The following HSD17B12 variants were observed in gnomAD, a reference collection of about 807,000 sequenced individuals.
HSD17B12 encodes the protein hydroxysteroid 17-beta dehydrogenase 12.
Under a neutral mutation model 39.3 loss-of-function variants are expected in HSD17B12, and 32 were observed. The ratio of observed to expected loss-of-function variants is 0.81; its 90% CI spans 0.61 to 1.09. The LOEUF (loss-of-function observed/expected upper bound fraction) is 1.09, where lower values mean the gene tolerates loss of function less well. Ranked by LOEUF, HSD17B12 falls within the 50% of genes least tolerant of loss-of-function variation. The probability of loss-of-function intolerance (pLI) is 0.00; values close to 1 mark genes in which losing one functional copy is unlikely to be tolerated. For missense variants in HSD17B12, 342 were observed against 382.9 expected, an observed-to-expected ratio of 0.89 and a Z score of 0.89; for synonymous variants, 150 against 146.7, an observed-to-expected ratio of 1.02 and a Z score of -0.16.
At chr11:43,631,591 G>GTCTC in the HSD17B12 span, among the ~76,000 whole-genome samples, 338 of 138,972 alleles carry the variant, frequency 2.4e-3, 4 homozygotes, top group African/African-American at 8.3e-3. Flanking sequence ...CTCTCTCTCT[G>GTCTC]TCTCTCTCTC....
the HSD17B12 span, among the ~76,000 whole-genome samples, chr11:43,610,943 G>A: frequency 6.6e-6 from 1 of 152,186 alleles, no homozygotes; most frequent in African/African-American, 2.4e-5. Context: ...GCACTCCAGA[G>A]ACTGCCACCT....
the HSD17B12 span, among the ~76,000 whole-genome samples, chr11:43,561,489 G>A: frequency 8.4e-3 from 1,282 of 152,292 alleles, 21 homozygotes; most frequent in African/African-American, 0.03. Flanking sequence ...AGGGAGCAAA[G>A]CTAGAGGGCA....
chr11:43,645,591 T>G, the HSD17B12 span: 6 of 152,220 alleles, frequency 3.9e-5, no homozygotes, highest in African/African-American at 7.2e-5. Flanking sequence ...ATATAAAAAC[T>G]AAATAAACCA....
rs1204580097 is a variant in HSD17B12 at position 43,706,724 on chromosome 11, T to TGTTG, written c.160+25738_160+25739insTTGG. Among the ~76,000 whole-genome samples, 9 of 80,350 alleles carry TGTTG rather than the reference T, an allele frequency of 1.1e-4. No homozygotes were observed. The South Asian group carries it at 1.5e-3, about 13-fold the overall frequency. The allele number at this position is 80,350 out of a possible 152,430, so 52.7% of individuals were successfully genotyped here. A position where few individuals can be genotyped will look rare whatever the true frequency, so the allele number is the denominator to read the frequency against. The stretch of plus-strand genomic sequence containing the variant: ...TGTGTGTGTGTGTGTGTGTGTGTTG[T>TGTTG]GGGGGGTGGGTGTGCATTCTTTTCC... On this transcript the variant is annotated intron_variant, in intron 1 of 10. Coordinates refer to ENST00000278353, the MANE Select transcript of HSD17B12 (RefSeq NM_016142.3).
rs779442369 is a variant in HSD17B12, at chr11:43,831,844, C to T, written c.536+834C>T. Among the ~76,000 whole-genome samples the T allele has an allele frequency of 2.0e-5, 3 of 152,296 alleles. No individual in the cohort carries two copies. Among genetic ancestry groups the T allele is most frequent in the Non-Finnish European group, 2.9e-5 (2 of 68,020 alleles). On this transcript the variant is annotated intron_variant, in intron 7 of 10. Transcript: ENST00000278353. This position sits in a 1 kb window ranked among gnomAD's most constrained non-coding sequence, Gnocchi z 4.1. ...AAGGACCCTACTTCTGTTAGGAAAC[C>T]TCTATGACCTACTCCAGGCAGGGAT...
At chr11:43,690,388 A>ATTTTTTTTTTTT (rs1232125962) in intron 1 of HSD17B12, among the ~76,000 whole-genome samples, 1 of 11,784 alleles carries the variant, frequency 8.5e-5, no homozygotes, top group Non-Finnish European at 1.4e-4. Context: ...ATATATATAT[A>ATTTTTTTTTTTT]TATATATATA....
chr11:43,695,659 A>T (rs1447012536), intron 1 of HSD17B12, among the ~76,000 whole-genome samples: 2 of 141,792 alleles, frequency 1.4e-5, no homozygotes, highest in South Asian at 2.3e-4. Flanking sequence ...ACTGAAGAGG[A>T]TGTTCTAATT....
the HSD17B12 span, among the ~76,000 whole-genome samples, chr11:43,631,507 G>A: frequency 3.3e-5 from 5 of 151,978 alleles, no homozygotes; most frequent in Non-Finnish European, 5.9e-5. Context: ...TACATGAGGC[G>A]GCTGCATGAA....
chr11:43,734,184 T>A, intron 1 of HSD17B12: 1 of 1,572,518 alleles, frequency 6.4e-7, no homozygotes, highest in Non-Finnish European at 8.6e-7. Context: ...CAGAGAGAGC[T>A]GGTCTCCAGG....
At chr11:43,786,123 A>G (rs1950813785) in intron 3 of HSD17B12, among the ~76,000 whole-genome samples, 3 of 152,218 alleles carry the variant, frequency 2.0e-5, no homozygotes, top group Admixed American at 2.0e-4. Flanking sequence ...AATTCAAATA[A>G]GCATCGTTTT....
At chr11:43,597,779 C>G in the HSD17B12 span, among the ~76,000 whole-genome samples, 2 of 152,132 alleles carry the variant, frequency 1.3e-5, no homozygotes, top group Non-Finnish European at 2.9e-5. Context: ...GAACTACAGG[C>G]ACGTGCCACC....
chr11:43,688,548 G>A (rs1453385326), intron 1 of HSD17B12, among the ~76,000 whole-genome samples: 1 of 152,138 alleles, frequency 6.6e-6, no homozygotes, highest in African/African-American at 2.4e-5. Context: ...TCTCTAACTG[G>A]CAATTCCAGG....
chr11:43,734,328 C>T, intron 1 of HSD17B12: 1 of 1,023,566 alleles, frequency 9.8e-7, no homozygotes. Flanking sequence ...CAGCAGGAAG[C>T]AGAGAGGGCC....
chr11:43,773,176 TAAG>T (rs1357552033), intron 3 of HSD17B12, among the ~76,000 whole-genome samples: 1 of 152,238 alleles, frequency 6.6e-6, no homozygotes, highest in Non-Finnish European at 1.5e-5. Flanking sequence ...AATATTTTAT[TAAG>T]AACATTTTAT....
At chr11:43,705,756 CT>C (rs1166461210) in intron 1 of HSD17B12, among the ~76,000 whole-genome samples, 1,563 of 116,352 alleles carry the variant, frequency 0.013, 15 homozygotes, top group African/African-American at 0.033. Context: ...TTTTTCCTCT[CT>C]CCTCTTTTTT....
In HSD17B12 at chr11:43,834,279, A is replaced by AAT. The variant is rs1554972024; in HGVS notation, c.536+3281_536+3282dup. 3.8e-4 allele frequency among the ~76,000 whole-genome samples: 57 copies of AAT among 151,774 alleles called. No homozygotes were observed. In the Middle Eastern group the frequency reaches 0.01, roughly 27 times the overall value. ...AATTTCAGTATTATATTTAAGCTTTAATATATATATATAATGACAACCCTC... is the reference window on the plus strand; with the variant it reads ...AATTTCAGTATTATATTTAAGCTTTAATATATATATATATAATGACAACCCTC... On this transcript the variant is annotated intron_variant, in intron 7 of 10. Transcript: ENST00000278353.
In HSD17B12 at chr11:43,767,448, G is replaced by C. The variant is rs1950605820; in HGVS notation, c.283+13327G>C. On this transcript the variant is annotated intron_variant, in intron 3 of 10. Coordinates refer to ENST00000278353, the MANE Select transcript of HSD17B12 (RefSeq NM_016142.3). ...ATTGCTTCCTTTCTTATCATGAAAA[G>C]AAAGTACTTTGAAACTTTTATTGAA... Among the ~76,000 whole-genome samples the C allele has an allele frequency of 3.3e-5, 5 of 152,200 alleles. No homozygotes were observed. The South Asian group carries it at 1.0e-3, about 32-fold the overall frequency.
chr11:43,667,344 G>T, the HSD17B12 span, among the ~76,000 whole-genome samples: 20 of 152,116 alleles, frequency 1.3e-4, no homozygotes, highest in Non-Finnish European at 2.4e-4. Context: ...TAGAGACAGG[G>T]TTTTGCCATG....
the HSD17B12 span, among the ~76,000 whole-genome samples, chr11:43,571,499 G>A: frequency 2.0e-5 from 3 of 152,272 alleles, no homozygotes. Flanking sequence ...TCTCCAATGT[G>A]CCTTTTATCA....
Sources: gnomAD v4.1 joint callset for allele counts (sites outside exome capture counted in the v4.1 genomes callset) on GRCh38, gnomAD v4.1.1 for gene constraint, Gnocchi (gnomAD v3.1) non-coding constraint, MANE v1.5 for transcripts, NCBI Gene and HGNC (gene_info 2026-07-23, HGNC 2026-07-21) for gene names.